Variants in GRIP2 observed in about 807,000 individuals in gnomAD.
GRIP2 encodes the protein glutamate receptor interacting protein 2, also known as glutamate receptor-interacting protein 2.
Under a neutral mutation model 108.3 loss-of-function variants are expected in GRIP2, and 58 were observed. The ratio of observed to expected loss-of-function variants is 0.54; its 90% CI spans 0.43 to 0.67. GRIP2 has a LOEUF of 0.67. GRIP2 is among the 30% of genes least tolerant of loss of function. The pLI is 0.00. For missense variants in GRIP2, 1,278 were observed against 1,430.6 expected (o/e 0.89, Z 1.72); for synonymous variants, 586 against 598.2 (o/e 0.98, Z 0.30).
chr3:14,540,331 G>A lies in GRIP2; in HGVS notation c.-23C>T. The A allele has an allele frequency of 1.2e-6, 2 of 1,613,324 alleles. No homozygotes were observed. Among genetic ancestry groups the A allele is most frequent in the Middle Eastern group, 1.7e-4 (1 of 6,060 alleles). Reference sequence around the variant, plus strand: ...CATGTTCGCTATTGTCTCCCCTGCTGCCCACCAACTCCCTCGGGAGCCACG... The same window carrying A: ...CATGTTCGCTATTGTCTCCCCTGCTACCCACCAACTCCCTCGGGAGCCACG... On this transcript the variant is annotated 5_prime_UTR_variant, in exon 1 of 24. Coordinates refer to ENST00000621039, the MANE Select transcript of GRIP2 (RefSeq NM_001080423.4). The surrounding 1 kb of genome is among the most constrained non-coding windows in gnomAD (Gnocchi z 4.1).
chr3:14,590,542 T>G, the GRIP2 span, among the ~76,000 whole-genome samples: 1 of 152,216 alleles, frequency 6.6e-6, no homozygotes, highest in Admixed American at 6.5e-5. Context: ...AGAGAGAGAA[T>G]GAATAAGGCT....
the GRIP2 span, among the ~76,000 whole-genome samples, chr3:14,581,551 A>G: frequency 6.6e-6 from 1 of 152,266 alleles, no homozygotes; most frequent in Non-Finnish European, 1.5e-5. Context: ...GTGACCCCAC[A>G]CTGTCCAATG....
the GRIP2 span, among the ~76,000 whole-genome samples, chr3:14,564,887 C>T: frequency 1.3e-5 from 2 of 152,190 alleles, no homozygotes; most frequent in African/African-American, 4.8e-5. Flanking sequence ...AGGTGCTGGC[C>T]AGGCCTACCC....
At chr3:14,575,150 T>C in the GRIP2 span, among the ~76,000 whole-genome samples, 7,406 of 152,174 alleles carry the variant, frequency 0.049, 637 homozygotes, top group African/African-American at 0.16. Context: ...TGGTTATAAG[T>C]GTGTTTACTT....
chr3:14,516,395 AC>A (rs1363629676), intron 11 of GRIP2, among the ~76,000 whole-genome samples: 3 of 152,172 alleles, frequency 2.0e-5, no homozygotes, highest in African/African-American at 4.8e-5. Flanking sequence ...GAGGCTGAGA[AC>A]CCTTTCTGCA....
the GRIP2 span, among the ~76,000 whole-genome samples, chr3:14,599,886 C>T: frequency 6.6e-6 from 1 of 152,208 alleles, no homozygotes; most frequent in African/African-American, 2.4e-5. Flanking sequence ...GACACACATA[C>T]ACACACAACT....
intron 1 of GRIP2, among the ~76,000 whole-genome samples, chr3:14,553,330 C>T (rs1185671103): frequency 2.0e-5 from 3 of 151,784 alleles, no homozygotes; most frequent in African/African-American, 4.8e-5. Flanking sequence ...AGGCTGGTCT[C>T]GAACTCCTGA....
chr3:14,520,532 C>T lies in GRIP2; in HGVS notation c.718G>A (p.Val240Met). 1.2e-6 allele frequency: 2 copies of T among 1,613,924 alleles called. No homozygotes were observed. Among genetic ancestry groups the T allele is most frequent in the Non-Finnish European group, 1.7e-6 (2 of 1,179,852 alleles). Residue 240 changes from valine to methionine, a missense_variant, in exon 8 of 24, where the codon GTG becomes ATG. Transcript: ENST00000621039. ...VEYDVATPDTVANASGPLMVE... is the reference protein window; with the variant it reads ...VEYDVATPDTMANASGPLMVE... Reference sequence around the variant, plus strand: ...ATCAAGGGTCCCGAAGCATTAGCCACCGTGTCTGGCATGACGGAGAAAAAA... The same window carrying T: ...ATCAAGGGTCCCGAAGCATTAGCCATCGTGTCTGGCATGACGGAGAAAAAA...
At chr3:14,506,268 G>A (rs144853069) in intron 19 of GRIP2, among the ~76,000 whole-genome samples, 35 of 152,240 alleles carry the variant, frequency 2.3e-4, no homozygotes, top group East Asian at 1.4e-3. Context: ...GGGGAGTTCC[G>A]GTGGCTCTGG....
chr3:14,516,928 T>A, intron 11 of GRIP2, 136 bp downstream of exon 11: 2 of 783,988 alleles, frequency 2.6e-6, no homozygotes, highest in Non-Finnish European at 3.7e-6. Flanking sequence ...GTTCCACTCA[T>A]GTTATTTAAC....
At chr3:14,567,202 G>A in the GRIP2 span, among the ~76,000 whole-genome samples, 1 of 152,172 alleles carries the variant, frequency 6.6e-6, no homozygotes, top group Non-Finnish European at 1.5e-5. Flanking sequence ...TGAGGGCAAG[G>A]CTAGGACTCA....
chr3:14,493,559 G>C lies in GRIP2; in HGVS notation c.*106C>G. The C allele has an allele frequency of 7.6e-7, 1 of 1,309,374 alleles. No homozygotes were observed. Among genetic ancestry groups the C allele is most frequent in the Non-Finnish European group, 1.0e-6 (1 of 970,964 alleles). 81.1% of individuals were successfully genotyped at this position (1,309,374 alleles called of 1,614,324 possible). On this transcript the variant is annotated 3_prime_UTR_variant, in exon 24 of 24. Coordinates refer to ENST00000621039, the MANE Select transcript of GRIP2 (RefSeq NM_001080423.4). ...ATCATCCCAGGCTCAGAGTCTGCCAGACCAACAGATGAATGAGTGGGTGGC... is the reference window on the plus strand; with the variant it reads ...ATCATCCCAGGCTCAGAGTCTGCCACACCAACAGATGAATGAGTGGGTGGC...
chr3:14,535,303 G>A (rs1694809124), intron 1 of GRIP2, among the ~76,000 whole-genome samples: 1 of 152,170 alleles, frequency 6.6e-6, no homozygotes, highest in Admixed American at 6.5e-5. Flanking sequence ...ACTGGCTAAG[G>A]GATCTGGGAC....
Position 14,511,573 on chromosome 3 carries a change from T to A in GRIP2, c.1721-94A>T. On this transcript the variant is annotated intron_variant, in intron 14 of 23. Coordinates refer to ENST00000621039, the MANE Select transcript of GRIP2 (RefSeq NM_001080423.4). This position sits in a 1 kb window ranked among gnomAD's most constrained non-coding sequence, Gnocchi z 4.1. ...GGTCTGAGTGTGGACTCGGAGCCACTGGTCCTACTCACATCCTGGTCCCAC... is the reference window on the plus strand; with the variant it reads ...GGTCTGAGTGTGGACTCGGAGCCACAGGTCCTACTCACATCCTGGTCCCAC... 1 of 1,191,170 alleles carries A rather than the reference T, an allele frequency of 8.4e-7. No homozygotes were observed. The highest frequency in any genetic ancestry group is 1.2e-6 in the Non-Finnish European group (1 of 819,436). 73.8% of individuals were successfully genotyped at this position (1,191,170 alleles called of 1,614,324 possible). A position where few individuals can be genotyped will look rare whatever the true frequency, so the allele number is the denominator to read the frequency against.
intron 5 of GRIP2, 152 bp downstream of exon 5, chr3:14,523,460 T>C (rs1185285212): frequency 4.8e-6 from 3 of 622,062 alleles, no homozygotes; most frequent in Non-Finnish European, 8.6e-6. Flanking sequence ...TGGCAGATTT[T>C]CCCACTGAAT....
chr3:14,494,094 AAG>A (rs1225759139), intron 23 of GRIP2, among the ~76,000 whole-genome samples: 1 of 152,238 alleles, frequency 6.6e-6, no homozygotes, highest in Non-Finnish European at 1.5e-5. Context: ...TCTCACATGA[AAG>A]AGCAGACCAC....
At chr3:14,541,853 A>G (rs765485935), upstream of GRIP2, 5 of 1,310,508 alleles carry the variant, frequency 3.8e-6, no homozygotes, top group Admixed American at 1.1e-4. Context: ...CAAATCATGC[A>G]GGGACGGGGG....
At chr3:14,569,025 G>A in the GRIP2 span, among the ~76,000 whole-genome samples, 1 of 152,194 alleles carries the variant, frequency 6.6e-6, no homozygotes, top group Non-Finnish European at 1.5e-5. Context: ...CAGGCAGCTA[G>A]CAGAGTAATC....
At chr3:14,534,752 G>T (rs188327187) in intron 1 of GRIP2, among the ~76,000 whole-genome samples, 1 of 152,092 alleles carries the variant, frequency 6.6e-6, no homozygotes, top group African/African-American at 2.4e-5. Flanking sequence ...CGCTGCAGCC[G>T]GGGTGGGTGG....
Sources: allele counts gnomAD v4.1 joint callset (sites outside exome capture counted in the v4.1 genomes callset), GRCh38; gene constraint gnomAD v4.1.1; non-coding constraint Gnocchi (gnomAD v3.1); transcripts MANE v1.5; gene names NCBI Gene and HGNC (gene_info 2026-07-23, HGNC 2026-07-21).